SNX27: variants seen among roughly 807,000 people sequenced by gnomAD.
SNX27 encodes sorting nexin 27.
A neutral mutation model predicts 71.6 loss-of-function variants in SNX27; 22 were observed. That is an observed-to-expected ratio of 0.31 (90% confidence interval 0.22 to 0.44). The LOEUF (loss-of-function observed/expected upper bound fraction) is 0.44. SNX27 is among the 20% of genes least tolerant of loss of function. The probability of loss-of-function intolerance (pLI) is 1.00; values close to 1 mark genes in which losing one functional copy is unlikely to be tolerated. For synonymous variants in SNX27, 269 were observed against 277.2 expected (o/e 0.97, Z 0.29); for missense variants, 531 against 698.6 (o/e 0.76, Z 2.70).
chr1:151,666,188 C>T (rs1447649361), intron 6 of SNX27, 177 bp downstream of exon 6: 1 of 410,860 alleles, frequency 2.4e-6, no homozygotes, highest in African/African-American at 2.0e-5. Flanking sequence ...ACTGTTGATT[C>T]TTTTTCCTCT....
chr1:151,667,690 A>G (rs1239012019), intron 6 of SNX27, among the ~76,000 whole-genome samples: 1 of 150,880 alleles, frequency 6.6e-6, no homozygotes, highest in African/African-American at 2.4e-5. Context: ...AGCCGGGCGT[A>G]GTGGCGGGCG....
intron 1 of SNX27, among the ~76,000 whole-genome samples, chr1:151,618,472 G>T (rs1667529314): frequency 6.6e-6 from 1 of 152,080 alleles, no homozygotes; most frequent in Non-Finnish European, 1.5e-5. Context: ...TCCACAGATT[G>T]CTGTAACCAG....
intron 1 of SNX27, among the ~76,000 whole-genome samples, chr1:151,632,004 C>A (rs1571779544): frequency 6.6e-6 from 1 of 152,066 alleles, no homozygotes; most frequent in Non-Finnish European, 1.5e-5. Context: ...AAATCTAGGC[C>A]TCCTAAGAAA....
At chr1:151,671,076 C>T (rs1306614999) in intron 7 of SNX27, among the ~76,000 whole-genome samples, 10 of 151,996 alleles carry the variant, frequency 6.6e-5, no homozygotes. Flanking sequence ...GGCACCTTGT[C>T]GAAAATGAGT....
In SNX27 at chr1:151,698,877, A is replaced by G. The variant is rs1294584509; in HGVS notation, c.*4460A>G. Reference sequence around the variant, plus strand: ...ATTTAATTTATTTCAGAGAAACTCTAATTGTATTTTCACTGCAGTATCTTG... The same window carrying G: ...ATTTAATTTATTTCAGAGAAACTCTGATTGTATTTTCACTGCAGTATCTTG... On this transcript the variant is annotated 3_prime_UTR_variant, in exon 12 of 12. Coordinates refer to ENST00000458013, the MANE Select transcript of SNX27 (RefSeq NM_001330723.2). 6.5e-6 allele frequency: 1 copy of G among 152,678 alleles called. No homozygotes were observed. Among genetic ancestry groups the G allele is most frequent in the African/African-American group, 2.4e-5 (1 of 41,466 alleles). 9.5% of individuals were successfully genotyped at this position (152,678 alleles called of 1,614,324 possible).
chr1:151,622,579 C>A (rs986613614), intron 1 of SNX27, among the ~76,000 whole-genome samples: 1 of 152,072 alleles, frequency 6.6e-6, no homozygotes, highest in African/African-American at 2.4e-5. Context: ...GGTCAGTATA[C>A]CAAGTTAAAA....
At chr1:151,679,357 C>T (rs1373683926) in intron 7 of SNX27, 1 of 152,086 alleles carries the variant, frequency 6.6e-6, no homozygotes. Context: ...TAATAATGAA[C>T]CTTTTCCTTA....
At chr1:151,615,638 G>A in intron 1 of SNX27, 1 of 961,420 alleles carries the variant, frequency 1.0e-6, no homozygotes, top group Non-Finnish European at 1.2e-6. Context: ...TTAGGGATAG[G>A]TGGATTATCA....
intron 8 of SNX27, among the ~76,000 whole-genome samples, chr1:151,692,230 T>G (rs1423040609): frequency 6.6e-6 from 1 of 151,814 alleles, no homozygotes; most frequent in Non-Finnish European, 1.5e-5. Context: ...TCTCAAAAAA[T>G]AAAAAGAAAA....
intron 1 of SNX27, among the ~76,000 whole-genome samples, chr1:151,618,330 T>G (rs1275370583): frequency 6.6e-6 from 1 of 152,232 alleles, no homozygotes; most frequent in East Asian, 1.9e-4. Context: ...ATTGCTATCT[T>G]TACCCTGTTG....
chr1:151,615,382 A>G (rs1430320775), intron 1 of SNX27, among the ~76,000 whole-genome samples: 2 of 151,442 alleles, frequency 1.3e-5, no homozygotes, highest in Non-Finnish European at 2.9e-5. Flanking sequence ...CCTTTCTTCG[A>G]TAGTCTGCGC....
At chr1:151,665,089 G>C (rs892225860) in intron 5 of SNX27, among the ~76,000 whole-genome samples, 4 of 152,066 alleles carry the variant, frequency 2.6e-5, no homozygotes, top group Admixed American at 1.3e-4. Flanking sequence ...ATAATCAACA[G>C]TTTTATCTTT....
intron 8 of SNX27, 112 bp from the exon 9 acceptor site, chr1:151,692,323 C>G: frequency 3.7e-6 from 5 of 1,338,042 alleles, no homozygotes; most frequent in Non-Finnish European, 4.9e-6. Context: ...TGAGAATACT[C>G]TTTGTTCTTT....
intron 8 of SNX27, among the ~76,000 whole-genome samples, chr1:151,690,270 A>G (rs1399503290): frequency 6.6e-6 from 1 of 152,078 alleles, no homozygotes; most frequent in Non-Finnish European, 1.5e-5. Flanking sequence ...TCTCACTCAC[A>G]TGCTTTTTTC....
chr1:151,668,959 G>A (rs946078227), intron 7 of SNX27, among the ~76,000 whole-genome samples: 1 of 152,046 alleles, frequency 6.6e-6, no homozygotes, highest in Admixed American at 6.6e-5. Context: ...GCATCAAATA[G>A]TTCTACACAG....
At chr1:151,620,703 T>TTC (rs1309657754) in intron 1 of SNX27, among the ~76,000 whole-genome samples, 1 of 151,694 alleles carries the variant, frequency 6.6e-6, no homozygotes, top group Non-Finnish European at 1.5e-5. Context: ...GCTTTTTTTT[T>TTC]TTTTGTGACA....
intron 3 of SNX27, 92 bp from the exon 4 acceptor site, chr1:151,660,701 TAAAAC>T: frequency 1.1e-6 from 1 of 936,830 alleles, no homozygotes; most frequent in Non-Finnish European, 1.7e-6. Flanking sequence ...GATTTAAACT[TAAAAC>T]TGATGATTTA....
intron 1 of SNX27, among the ~76,000 whole-genome samples, chr1:151,628,563 G>A (rs1213435686): frequency 6.6e-6 from 1 of 152,118 alleles, no homozygotes; most frequent in Non-Finnish European, 1.5e-5. Context: ...CTGCCAAACT[G>A]TCTTCCAAAA....
intron 7 of SNX27, among the ~76,000 whole-genome samples, chr1:151,671,813 T>C (rs1670462295): frequency 6.6e-6 from 1 of 152,174 alleles, no homozygotes; most frequent in African/African-American, 2.4e-5. Context: ...TTGTTCACTG[T>C]TGGCATATAG....
Sources: gnomAD v4.1 joint callset for allele counts (sites outside exome capture counted in the v4.1 genomes callset) on GRCh38, gnomAD v4.1.1 for gene constraint, MANE v1.5 for transcripts, NCBI Gene and HGNC (gene_info 2026-07-23, HGNC 2026-07-21) for gene names.